The following CMSS1 variants were observed in gnomAD, a reference collection of about 807,000 sequenced individuals.
CMSS1 encodes protein CMSS1.
In CMSS1, 33 loss-of-function variants were observed where a neutral mutation model predicts 43.5. The observed-to-expected ratio is 0.76, with a 90% CI of 0.57 to 1.01. The LOEUF is 1.01. Ranked by LOEUF, CMSS1 falls within the 50% of genes least tolerant of loss-of-function variation. The pLI is 0.00. For synonymous variants in CMSS1, 115 were observed against 117.2 expected (o/e 0.98, Z 0.12); for missense variants, 313 against 326.4 (o/e 0.96, Z 0.32).
chr3:99,939,319 A>G (rs1434960108), intron 1 of CMSS1, among the ~76,000 whole-genome samples: 1 of 152,222 alleles, frequency 6.6e-6, no homozygotes, highest in Non-Finnish European at 1.5e-5. Context: ...TAGTTCGTGT[A>G]TCCTGGTTCT....
intron 1 of CMSS1, among the ~76,000 whole-genome samples, chr3:100,135,028 C>G (rs2066739931): frequency 6.6e-6 from 1 of 152,144 alleles, no homozygotes; most frequent in African/African-American, 2.4e-5. Context: ...CAGTACCTGT[C>G]TCATAAGATT....
intron 1 of CMSS1, among the ~76,000 whole-genome samples, chr3:99,951,362 C>T (rs1003171610): frequency 6.6e-6 from 1 of 152,086 alleles, no homozygotes; most frequent in Non-Finnish European, 1.5e-5. Context: ...ACCCTTAGTC[C>T]TGTGGGTACA....
chr3:100,151,822 C>T (rs1185559286), intron 2 of CMSS1, among the ~76,000 whole-genome samples: 1 of 152,156 alleles, frequency 6.6e-6, no homozygotes, highest in African/African-American at 2.4e-5. Flanking sequence ...AAGTCTCATC[C>T]CATTGCAGTG....
In CMSS1 at chr3:100,124,608, T is replaced by C. The variant is rs139925989; in HGVS notation, c.65-22365T>C. Among the ~76,000 whole-genome samples the C allele has an allele frequency of 8.7e-3, 1,330 of 152,206 alleles. 8 individuals carry two copies. The highest frequency in any genetic ancestry group is 0.02 in the Middle Eastern group (6 of 294). ...GGGGTAGGTCCTGGTTCCCTCCCTGTCCTCGCAGTCCTCACCACCCAGCAC... is the reference window on the plus strand; with the variant it reads ...GGGGTAGGTCCTGGTTCCCTCCCTGCCCTCGCAGTCCTCACCACCCAGCAC... On this transcript the variant is annotated intron_variant, in intron 1 of 9. Coordinates refer to ENST00000421999, the MANE Select transcript of CMSS1 (RefSeq NM_032359.4).
intron 5 of CMSS1, 132 bp from the exon 6 acceptor site, chr3:100,167,606 T>C: frequency 2.2e-6 from 1 of 464,120 alleles, no homozygotes; most frequent in Non-Finnish European, 3.8e-6. Flanking sequence ...TGAATTACAA[T>C]TGTAATTATA....
chr3:99,858,225 G>A (rs937210612), intron 1 of CMSS1, among the ~76,000 whole-genome samples: 1 of 152,120 alleles, frequency 6.6e-6, no homozygotes, highest in Non-Finnish European at 1.5e-5. Flanking sequence ...CAGCACTTTG[G>A]GAGGCTGAGG....
At chr3:99,878,777 A>G (rs1165744826) in intron 1 of CMSS1, among the ~76,000 whole-genome samples, 1 of 152,224 alleles carries the variant, frequency 6.6e-6, no homozygotes, top group Non-Finnish European at 1.5e-5. Flanking sequence ...TAACTGATAC[A>G]AGAGTACCCT....
At chr3:99,973,064 T>C (rs959068297) in intron 1 of CMSS1, among the ~76,000 whole-genome samples, 17 of 152,222 alleles carry the variant, frequency 1.1e-4, no homozygotes, top group African/African-American at 4.1e-4. Flanking sequence ...TGCAGAACTA[T>C]AGGAACAATG....
At chr3:99,911,956 A>G (rs1026970184) in intron 1 of CMSS1, among the ~76,000 whole-genome samples, 6 of 152,136 alleles carry the variant, frequency 3.9e-5, no homozygotes, top group African/African-American at 1.2e-4. Flanking sequence ...TTTCCAGCAA[A>G]TAATCATTTG....
intron 1 of CMSS1, chr3:99,830,534 A>G (rs1159439819): frequency 4.4e-6 from 2 of 456,566 alleles, no homozygotes; most frequent in Admixed American, 4.7e-5. Context: ...CTTTAGTGGA[A>G]ATCTTGGTGA....
chr3:99,849,319 T>C (rs1943537846), intron 1 of CMSS1: 5 of 1,614,186 alleles, frequency 3.1e-6, no homozygotes, highest in Non-Finnish European at 4.2e-6. Context: ...TCTTCTTCCA[T>C]TGAGACTAGG....
At position 99,983,401 on chromosome 3, in the gene CMSS1, T is replaced by A. The variant is rs1210840400; in HGVS notation, c.65-163572T>A. Among the ~76,000 whole-genome samples the A allele has an allele frequency of 2.4e-3, 259 of 109,150 alleles. 3 individuals carry two copies. The highest frequency in any genetic ancestry group is 9.6e-3 in the African/African-American group (247 of 25,638). The allele number at this position is 109,150 out of a possible 152,430, so 71.6% of individuals were successfully genotyped here. Reference sequence around the variant, plus strand: ...AAATAAATAAATAAATATATATATATATATATATATATATATATGTATGTA... The same window carrying A: ...AAATAAATAAATAAATATATATATAAATATATATATATATATATGTATGTA... On this transcript the variant is annotated intron_variant, in intron 1 of 9. Transcript: ENST00000421999.
intron 1 of CMSS1, among the ~76,000 whole-genome samples, chr3:100,140,619 T>C (rs924188893): frequency 6.6e-6 from 1 of 152,148 alleles, no homozygotes; most frequent in Non-Finnish European, 1.5e-5. Context: ...CCCTAAGCAC[T>C]GGGATTATAG....
At chr3:99,982,201 C>G (rs897808809) in intron 1 of CMSS1, among the ~76,000 whole-genome samples, 6 of 151,804 alleles carry the variant, frequency 4.0e-5, no homozygotes, top group African/African-American at 1.5e-4. Flanking sequence ...ATAGTATTGT[C>G]TATATGCATG....
intron 1 of CMSS1, among the ~76,000 whole-genome samples, chr3:100,129,563 T>C (rs1370420783): frequency 1.3e-5 from 2 of 152,208 alleles, no homozygotes; most frequent in Non-Finnish European, 2.9e-5. Flanking sequence ...AAAATATTAC[T>C]GCTGATTAAG....
chr3:99,871,759 T>G (rs927899955), intron 1 of CMSS1, among the ~76,000 whole-genome samples: 3 of 152,190 alleles, frequency 2.0e-5, no homozygotes, highest in Admixed American at 1.3e-4. Context: ...CCCAAATGTC[T>G]TTGACCACAG....
At chr3:100,132,055 T>G (rs763635492) in intron 1 of CMSS1, among the ~76,000 whole-genome samples, 1 of 152,240 alleles carries the variant, frequency 6.6e-6, no homozygotes, top group African/African-American at 2.4e-5. Flanking sequence ...TTTGATCTCA[T>G]AATTTAAAAC....
chr3:100,050,776 C>T (rs1485398285), intron 1 of CMSS1, among the ~76,000 whole-genome samples: 1 of 152,164 alleles, frequency 6.6e-6, no homozygotes, highest in Non-Finnish European at 1.5e-5. Flanking sequence ...GTGATCCACC[C>T]ACCTTGACCT....
intron 1 of CMSS1, among the ~76,000 whole-genome samples, chr3:100,061,328 C>T (rs1356059640): frequency 6.6e-6 from 1 of 152,318 alleles, no homozygotes; most frequent in East Asian, 1.9e-4. Context: ...GGGCCAAGCA[C>T]ATGACATTCG....
Sources: allele counts gnomAD v4.1 joint callset (sites outside exome capture counted in the v4.1 genomes callset), GRCh38; gene constraint gnomAD v4.1.1; transcripts MANE v1.5; gene names NCBI Gene and HGNC (gene_info 2026-07-23, HGNC 2026-07-21).